Variants in SH3RF2 observed in about 807,000 individuals in gnomAD.
SH3RF2 encodes the protein E3 ubiquitin-protein ligase SH3RF2.
SH3RF2 carries 43 observed loss-of-function variants against 59.0 expected under a neutral mutation model. That is an observed-to-expected ratio of 0.73 (90% CI 0.57 to 0.94). The LOEUF (loss-of-function observed/expected upper bound fraction) is 0.94, where lower values mean the gene tolerates loss of function less well. Among genes scored for constraint, SH3RF2 ranks in the 40% least tolerant of loss-of-function variants. The probability of loss-of-function intolerance (pLI) is 0.00; values close to 1 mark genes in which losing one functional copy is unlikely to be tolerated. For synonymous variants in SH3RF2, 391 were observed against 391.5 expected (o/e 1.00, Z 0.01); for missense variants, 930 against 940.1 (o/e 0.99, Z 0.14).
At chr5:146,014,172 AC>A in intron 5 of SH3RF2, 111 bp downstream of exon 5, 1 of 1,068,392 alleles carries the variant, frequency 9.4e-7, no homozygotes, top group Non-Finnish European at 1.4e-6. Context: ...AGAATGCCCT[AC>A]TAGTAACTAA....
chr5:146,063,725 T>G (rs1762977488), downstream of SH3RF2, among the ~76,000 whole-genome samples: 1 of 152,160 alleles, frequency 6.6e-6, no homozygotes, highest in Admixed American at 6.5e-5. Context: ...CCAGGCATGA[T>G]GGCGCACACC....
intron 2 of SH3RF2, among the ~76,000 whole-genome samples, chr5:145,970,979 T>A (rs952936116): frequency 3.9e-5 from 6 of 152,178 alleles, no homozygotes; most frequent in Admixed American, 3.9e-4. Flanking sequence ...TTGAGTCATT[T>A]GGGGGTCATA....
At chr5:146,009,095 A>T (rs561189761) in intron 4 of SH3RF2, among the ~76,000 whole-genome samples, 1 of 152,216 alleles carries the variant, frequency 6.6e-6, no homozygotes. Flanking sequence ...AAACATTTGC[A>T]TACTGGTTTT....
chr5:146,029,467 T>C (rs1314904535), intron 5 of SH3RF2, among the ~76,000 whole-genome samples: 1 of 152,178 alleles, frequency 6.6e-6, no homozygotes, highest in Non-Finnish European at 1.5e-5. Flanking sequence ...AATGGGTGCA[T>C]GTGCCGTGTG....
chr5:145,948,735 G>A (rs1440523831), intron 2 of SH3RF2, among the ~76,000 whole-genome samples: 1 of 152,148 alleles, frequency 6.6e-6, no homozygotes, highest in African/African-American at 2.4e-5. Context: ...CTGTTCCTCC[G>A]GAAGTCAGCC....
intron 2 of SH3RF2, among the ~76,000 whole-genome samples, chr5:145,951,807 G>A (rs145573811): frequency 6.6e-5 from 10 of 152,220 alleles, no homozygotes; most frequent in South Asian, 2.1e-4. Context: ...TATTTTCTCC[G>A]GGCTGGACTA....
intron 5 of SH3RF2, among the ~76,000 whole-genome samples, chr5:146,026,981 G>C (rs1761551090): frequency 6.6e-6 from 1 of 152,188 alleles, no homozygotes; most frequent in Non-Finnish European, 1.5e-5. Flanking sequence ...GGTCAAGCCA[G>C]GAAGCTAAAA....
chr5:146,007,077 G>T (rs1760675524), intron 4 of SH3RF2, among the ~76,000 whole-genome samples: 1 of 152,224 alleles, frequency 6.6e-6, no homozygotes, highest in South Asian at 2.1e-4. Flanking sequence ...GGGAACACGT[G>T]AAACACTGGG....
intron 5 of SH3RF2, among the ~76,000 whole-genome samples, chr5:146,034,748 G>C (rs760388564): frequency 6.6e-6 from 1 of 152,152 alleles, no homozygotes; most frequent in African/African-American, 2.4e-5. Flanking sequence ...GGAACCATGA[G>C]AGCATTGGAG....
At chr5:145,939,497 C>G (rs756873764) in intron 2 of SH3RF2, among the ~76,000 whole-genome samples, 2 of 152,174 alleles carry the variant, frequency 1.3e-5, no homozygotes, top group Non-Finnish European at 2.9e-5. Flanking sequence ...TTTAAACCAC[C>G]CATGGCGCAT....
At position 146,059,333 on chromosome 5, in the gene SH3RF2, A is replaced by G. The variant is rs373337778; in HGVS notation, c.1556-533A>G. Among the ~76,000 whole-genome samples the G allele has an allele frequency of 1.1e-4, 16 of 151,632 alleles. No individual in the cohort carries two copies. In the East Asian group the frequency reaches 1.4e-3, roughly 13 times the overall value. ...ACAAAAAGCAACCCCCACCTGCCACATGCCTAAAGCTTCTGTCAAGATTTT... is the reference window on the plus strand; with the variant it reads ...ACAAAAAGCAACCCCCACCTGCCACGTGCCTAAAGCTTCTGTCAAGATTTT... On this transcript the variant is annotated intron_variant, in intron 8 of 9. Transcript: ENST00000359120.
intron 5 of SH3RF2, among the ~76,000 whole-genome samples, chr5:146,024,982 G>A (rs1471019643): frequency 6.6e-6 from 1 of 152,186 alleles, no homozygotes; most frequent in East Asian, 1.9e-4. Context: ...CTTTTACCGG[G>A]TGGTTTGAAC....
intron 4 of SH3RF2, among the ~76,000 whole-genome samples, chr5:146,009,071 C>A (rs1194708830): frequency 6.6e-6 from 1 of 152,216 alleles, no homozygotes. Context: ...GGCAACTATG[C>A]ATAAAACTGT....
At chr5:146,061,891 C>T (rs773342319) in intron 9 of SH3RF2, among the ~76,000 whole-genome samples, 9 of 152,040 alleles carry the variant, frequency 5.9e-5, no homozygotes, top group Admixed American at 1.3e-4. Context: ...TATGTGTTGG[C>T]GAGTCGATCA....
chr5:146,074,678 G>C (rs1763307517), intron 9 of SH3RF2, among the ~76,000 whole-genome samples: 1 of 152,170 alleles, frequency 6.6e-6, no homozygotes, highest in African/African-American at 2.4e-5. Context: ...GTTATCATTA[G>C]GGTATAGTTA....
At chr5:146,001,524 G>A (rs1412314268) in intron 3 of SH3RF2, among the ~76,000 whole-genome samples, 1 of 152,182 alleles carries the variant, frequency 6.6e-6, no homozygotes, top group Non-Finnish European at 1.5e-5. Context: ...ACAGCAAAGT[G>A]TAGACCTAGA....
At chr5:145,994,011 C>G (rs1297979248) in intron 2 of SH3RF2, among the ~76,000 whole-genome samples, 2 of 152,226 alleles carry the variant, frequency 1.3e-5, no homozygotes, top group Non-Finnish European at 2.9e-5. Flanking sequence ...ACCCAAGTCA[C>G]CTCTTGAATG....
At chr5:146,045,392 A>G (rs1762267578) in intron 5 of SH3RF2, among the ~76,000 whole-genome samples, 1 of 152,248 alleles carries the variant, frequency 6.6e-6, no homozygotes, top group African/African-American at 2.4e-5. Flanking sequence ...GGTTTTTAGT[A>G]TATTCACAGA....
At chr5:146,028,735 G>A (rs1172471422) in intron 5 of SH3RF2, among the ~76,000 whole-genome samples, 1 of 152,172 alleles carries the variant, frequency 6.6e-6, no homozygotes, top group Non-Finnish European at 1.5e-5. Context: ...AGAATAAAGG[G>A]CAGTTAAGTC....
Sources: allele counts gnomAD v4.1 joint callset (sites outside exome capture counted in the v4.1 genomes callset), GRCh38; gene constraint gnomAD v4.1.1; transcripts MANE v1.5; gene names NCBI Gene and HGNC (gene_info 2026-07-23, HGNC 2026-07-21).